KCNC2: variants seen among roughly 807,000 people sequenced by gnomAD.
The protein encoded by KCNC2 is potassium voltage-gated channel subfamily C member 2, also known as voltage-gated potassium channel KCNC2.
A neutral mutation model predicts 44.5 loss-of-function variants in KCNC2; 21 were observed. The ratio of observed to expected loss-of-function variants is 0.47; its 90% confidence interval spans 0.33 to 0.68. KCNC2 has a LOEUF of 0.68. Ranked by LOEUF, KCNC2 falls within the 30% of genes least tolerant of loss-of-function variation. KCNC2 has a pLI of 0.01. For missense variants in KCNC2, 589 were observed against 826.2 expected, an observed-to-expected ratio of 0.71 and a Z score of 3.52; for synonymous variants, 391 against 339.1, an observed-to-expected ratio of 1.15 and a Z score of -1.68.
At chr12:75,052,254 C>A (rs1428679196) in intron 2 of KCNC2, among the ~76,000 whole-genome samples, 1 of 152,050 alleles carries the variant, frequency 6.6e-6, no homozygotes, top group Non-Finnish European at 1.5e-5. Flanking sequence ...AAAGTTTAAG[C>A]TACTTTTCCA....
chr12:75,061,394 G>A (rs1224987661), intron 2 of KCNC2, among the ~76,000 whole-genome samples: 1 of 152,002 alleles, frequency 6.6e-6, no homozygotes, highest in Non-Finnish European at 1.5e-5. Context: ...CTTCAAGGTG[G>A]AGAGATTAGC....
intron 2 of KCNC2, among the ~76,000 whole-genome samples, chr12:75,197,372 T>C (rs2030862769): frequency 6.6e-6 from 1 of 151,964 alleles, no homozygotes; most frequent in South Asian, 2.1e-4. Context: ...CGTTAAGCCT[T>C]CATGTTTGCT....
intron 2 of KCNC2, among the ~76,000 whole-genome samples, chr12:75,076,376 C>G (rs1261072654): frequency 6.6e-6 from 1 of 152,092 alleles, no homozygotes; most frequent in Non-Finnish European, 1.5e-5. Context: ...GGGTTCACGC[C>G]ATTCTCCTGC....
chr12:75,070,715 T>C (rs1471064592), intron 2 of KCNC2, among the ~76,000 whole-genome samples: 1 of 151,890 alleles, frequency 6.6e-6, no homozygotes, highest in Non-Finnish European at 1.5e-5. Flanking sequence ...TTTATTTATA[T>C]TCACCCTTTA....
At chr12:75,182,114 C>T (rs1038780401) in intron 2 of KCNC2, among the ~76,000 whole-genome samples, 2 of 151,494 alleles carry the variant, frequency 1.3e-5, no homozygotes, top group African/African-American at 4.8e-5. Context: ...GCTGGAATTT[C>T]CACCCAGGTA....
At position 75,109,988 on chromosome 12, in the gene KCNC2, GA is replaced by G. The variant is rs5799210; in HGVS notation, c.688-58672del. Among the ~76,000 whole-genome samples, 35 of 151,456 alleles carry G rather than the reference GA, an allele frequency of 2.3e-4. 1 individual carries two copies. The South Asian group carries it at 6.9e-3, about 30-fold the overall frequency. ...GGACAGGAATATCACAAAACACAGA[GA>G]AAAAATACAAGAATATAAAAAAATC... On this transcript the variant is annotated intron_variant, in intron 2 of 4. Transcript: ENST00000549446.
intron 2 of KCNC2, among the ~76,000 whole-genome samples, chr12:75,057,903 C>T (rs956239836): frequency 2.0e-5 from 3 of 151,622 alleles, no homozygotes; most frequent in South Asian, 2.1e-4. Flanking sequence ...CATATACAAT[C>T]CTTCCTCTAT....
chr12:75,143,808 C>A (rs773249990), intron 2 of KCNC2, among the ~76,000 whole-genome samples: 3 of 152,170 alleles, frequency 2.0e-5, no homozygotes, highest in Non-Finnish European at 4.4e-5. Context: ...GAAAACCTTA[C>A]ACAAAATCTT....
intron 2 of KCNC2, among the ~76,000 whole-genome samples, chr12:75,104,732 G>A (rs1213615742): frequency 1.3e-5 from 2 of 151,946 alleles, no homozygotes; most frequent in Admixed American, 1.3e-4. Context: ...TGTATATATA[G>A]TAGATACGCA....
chr12:75,058,629 G>A (rs1881994696), intron 2 of KCNC2, among the ~76,000 whole-genome samples: 1 of 152,072 alleles, frequency 6.6e-6, no homozygotes, highest in Non-Finnish European at 1.5e-5. Context: ...TGGCACTGCA[G>A]TTAAAGCACA....
intron 2 of KCNC2, among the ~76,000 whole-genome samples, chr12:75,191,501 A>ATATTATTATTAT (rs63327760): frequency 3.7e-4 from 26 of 70,424 alleles, no homozygotes; most frequent in East Asian, 1.6e-3. Context: ...TTTGTTCTGA[A>ATATTATTATTAT]TATTATTATT....
At chr12:75,170,625 T>G (rs1469325201) in intron 2 of KCNC2, among the ~76,000 whole-genome samples, 1 of 151,800 alleles carries the variant, frequency 6.6e-6, no homozygotes, top group Admixed American at 6.6e-5. Flanking sequence ...ATTACTTAAC[T>G]GTATGTGAAT....
chr12:75,070,797 T>G (rs536213980), intron 2 of KCNC2, among the ~76,000 whole-genome samples: 1 of 152,158 alleles, frequency 6.6e-6, no homozygotes, highest in East Asian at 1.9e-4. Context: ...ACAGCATTTG[T>G]GGGAAATAAA....
chr12:75,048,143 G>A lies in KCNC2; in HGVS notation c.1780+10C>T. 6.2e-7 allele frequency: 1 copy of A among 1,610,508 alleles called. No homozygotes were observed. Among genetic ancestry groups the A allele is most frequent in the Non-Finnish European group, 8.5e-7 (1 of 1,177,536 alleles). ...GTCACCTGTTATGATCTGATTAAATGCATGCCTACCTTTCCTGATCCCTCC... is the reference window on the plus strand; with the variant it reads ...GTCACCTGTTATGATCTGATTAAATACATGCCTACCTTTCCTGATCCCTCC... On this transcript the variant is annotated intron_variant, in intron 4 of 4. Coordinates refer to ENST00000549446, the MANE Select transcript of KCNC2 (RefSeq NM_139137.4).
intron 2 of KCNC2, among the ~76,000 whole-genome samples, chr12:75,200,955 G>C (rs146786856): frequency 6.6e-6 from 1 of 151,600 alleles, no homozygotes; most frequent in Non-Finnish European, 1.5e-5. Context: ...GAAAAACATG[G>C]TGTTGTTGAT....
At chr12:75,081,863 C>T (rs1400943629) in intron 2 of KCNC2, among the ~76,000 whole-genome samples, 2 of 151,942 alleles carry the variant, frequency 1.3e-5, no homozygotes, top group African/African-American at 4.8e-5. Context: ...CTGATTGTTA[C>T]CTAGACACCT....
At chr12:75,124,230 C>A (rs1356050533) in intron 2 of KCNC2, 2 of 152,176 alleles carry the variant, frequency 1.3e-5, no homozygotes, top group East Asian at 3.9e-4. Flanking sequence ...GATTTGTTCA[C>A]CCCTAAACAC....
At chr12:75,191,527 A>ATT (rs1555174221) in intron 2 of KCNC2, among the ~76,000 whole-genome samples, 354 of 33,246 alleles carry the variant, frequency 0.011, 38 homozygotes, top group Non-Finnish European at 0.014. Context: ...TATTATTATT[A>ATT]TTTTTTTTTT....
At chr12:75,079,912 C>G (rs771042448) in intron 2 of KCNC2, among the ~76,000 whole-genome samples, 5 of 152,094 alleles carry the variant, frequency 3.3e-5, no homozygotes, top group Non-Finnish European at 5.9e-5. Context: ...CAATGTGATT[C>G]CCTGTTAATG....
Sources: allele counts gnomAD v4.1 joint callset (sites outside exome capture counted in the v4.1 genomes callset), GRCh38; gene constraint gnomAD v4.1.1; transcripts MANE v1.5; gene names NCBI Gene and HGNC (gene_info 2026-07-23, HGNC 2026-07-21).